The following PDE7A variants were observed in gnomAD, a reference collection of about 807,000 sequenced individuals.
The protein encoded by PDE7A is phosphodiesterase 7A.
A neutral mutation model predicts 64.3 loss-of-function variants in PDE7A; 39 were observed. The ratio of observed to expected loss-of-function variants is 0.61; its 90% confidence interval spans 0.47 to 0.79. The LOEUF is 0.79. Ranked by LOEUF, PDE7A falls within the 30% of genes least tolerant of loss-of-function variation. PDE7A has a pLI of 0.00. For missense variants in PDE7A, 470 were observed against 582.8 expected, an observed-to-expected ratio of 0.81 and a Z score of 1.99; for synonymous variants, 203 against 206.8, an observed-to-expected ratio of 0.98 and a Z score of 0.16.
At chr8:65,789,122 C>A in intron 1 of PDE7A, 1 of 1,259,550 alleles carries the variant, frequency 7.9e-7, no homozygotes, top group Non-Finnish European at 1.0e-6. Flanking sequence ...ATGCACTACC[C>A]AGCCAGCCTT....
intron 1 of PDE7A, among the ~76,000 whole-genome samples, chr8:65,820,227 C>T (rs954033853): frequency 1.6e-4 from 25 of 152,184 alleles, no homozygotes; most frequent in African/African-American, 6.0e-4. Flanking sequence ...AAAATCCTGT[C>T]TCTACTAAAA....
chr8:65,810,988 AT>A (rs1434461560), intron 1 of PDE7A, among the ~76,000 whole-genome samples: 1 of 152,202 alleles, frequency 6.6e-6, no homozygotes, highest in Non-Finnish European at 1.5e-5. Context: ...GAAAAAATTT[AT>A]ATCTGCAACC....
chr8:65,820,352 T>G (rs977688650), intron 1 of PDE7A, among the ~76,000 whole-genome samples: 2 of 152,152 alleles, frequency 1.3e-5, no homozygotes, highest in Non-Finnish European at 2.9e-5. Flanking sequence ...GCTGAGATCA[T>G]GCCACTTCAT....
At position 65,746,106 on chromosome 8, in the gene PDE7A, T is replaced by TC. The variant is rs1255894417; in HGVS notation, c.436-637_436-636insG. ...TTACCATACCTGGCTAATTTTTTTTTTTTTTTTGTAGAGACAAGGTCTCAC... is the reference window on the plus strand; with the variant it reads ...TTACCATACCTGGCTAATTTTTTTTTCTTTTTTTGTAGAGACAAGGTCTCAC... On this transcript the variant is annotated intron_variant, in intron 4 of 12. Coordinates refer to ENST00000401827, the MANE Select transcript of PDE7A (RefSeq NM_001242318.3). Among the ~76,000 whole-genome samples the TC allele has an allele frequency of 2.0e-5, 3 of 151,706 alleles. No homozygotes were observed. The East Asian group carries it at 5.8e-4, about 29-fold the overall frequency.
rs1237163516 is a variant in PDE7A at position 65,715,911 on chromosome 8, G to A, written c.*3379C>T. On this transcript the variant is annotated 3_prime_UTR_variant, in exon 13 of 13. Transcript: ENST00000401827. ...ACTGAGGCAGGAGAATGAGGAGAAT[G>A]GCGTGAACCCGGGAGGCGGAACTTG... Among the ~76,000 whole-genome samples, 2 of 146,934 alleles carry A rather than the reference G, an allele frequency of 1.4e-5. No homozygotes were observed. The highest frequency in any genetic ancestry group is 3.0e-5 in the Non-Finnish European group (2 of 66,856).
At chr8:65,757,885 G>A (rs1808311606) in intron 3 of PDE7A, among the ~76,000 whole-genome samples, 1 of 152,172 alleles carries the variant, frequency 6.6e-6, no homozygotes, top group African/African-American at 2.4e-5. Context: ...CCAAAGTGCT[G>A]GGATTACAGG....
chr8:65,805,293 A>C (rs575529371), intron 1 of PDE7A, among the ~76,000 whole-genome samples: 26 of 152,332 alleles, frequency 1.7e-4, no homozygotes, highest in Admixed American at 5.9e-4. Flanking sequence ...TGCTTATTTG[A>C]GGTAATGCTT....
At chr8:65,810,922 C>A (rs964781028) in intron 1 of PDE7A, among the ~76,000 whole-genome samples, 7 of 151,908 alleles carry the variant, frequency 4.6e-5, no homozygotes, top group South Asian at 4.2e-4. Flanking sequence ...AAAATTAATT[C>A]AAAAATTATT....
chr8:65,776,218 T>C lies in PDE7A; in HGVS notation c.283+3502A>G, dbSNP rs538207877. ...ATTGCTATTTCTACCCATTGCATTA[T>C]TTATCTTCTACCTACTTCATTACCA... On this transcript the variant is annotated intron_variant, in intron 3 of 12. Coordinates refer to ENST00000401827, the MANE Select transcript of PDE7A (RefSeq NM_001242318.3). 2.0e-5 allele frequency among the ~76,000 whole-genome samples: 3 copies of C among 152,314 alleles called. No homozygotes were observed. In the East Asian group the frequency reaches 5.8e-4, roughly 29 times the overall value.
chr8:65,738,914 A>G (rs1280111629), intron 6 of PDE7A, among the ~76,000 whole-genome samples: 1 of 152,246 alleles, frequency 6.6e-6, no homozygotes, highest in Non-Finnish European at 1.5e-5. Context: ...AATGAAATCA[A>G]GTATCCACAA....
chr8:65,760,959 G>A (rs1808461796), intron 3 of PDE7A, among the ~76,000 whole-genome samples: 1 of 152,174 alleles, frequency 6.6e-6, no homozygotes, highest in Non-Finnish European at 1.5e-5. Flanking sequence ...GGGAACAAGA[G>A]TGACTATGAG....
At chr8:65,802,718 C>A (rs1264555557) in intron 1 of PDE7A, among the ~76,000 whole-genome samples, 2 of 152,178 alleles carry the variant, frequency 1.3e-5, no homozygotes, top group African/African-American at 4.8e-5. Flanking sequence ...TTAAAACTTG[C>A]AAACCTGAAA....
Position 65,807,282 on chromosome 8 carries a change from C to T in PDE7A, c.139-24439G>A, listed in dbSNP as rs145361012. Among the ~76,000 whole-genome samples the T allele has an allele frequency of 6.8e-3, 1,028 of 152,224 alleles. 50 individuals carry two copies. Among genetic ancestry groups the T allele is most frequent in the Admixed American group, 0.062 (946 of 15,294 alleles). On this transcript the variant is annotated intron_variant, in intron 1 of 12. Coordinates refer to ENST00000401827, the MANE Select transcript of PDE7A (RefSeq NM_001242318.3). ...TAAATTTATTCCTAAGTATTTTATG[C>T]TTTTTCATGCTATTAAAAATTGAGT...
At chr8:65,768,121 G>A (rs1034214596) in intron 3 of PDE7A, among the ~76,000 whole-genome samples, 14 of 152,244 alleles carry the variant, frequency 9.2e-5, no homozygotes, top group African/African-American at 3.1e-4. Context: ...TTTGGTCACA[G>A]AAGTCTTCTG....
intron 1 of PDE7A, among the ~76,000 whole-genome samples, chr8:65,813,980 T>C (rs1290171062): frequency 6.6e-6 from 1 of 152,228 alleles, no homozygotes; most frequent in Non-Finnish European, 1.5e-5. Context: ...ATGATTTTAT[T>C]CTCTTTTATT....
chr8:65,827,055 C>G (rs910369357), intron 1 of PDE7A, among the ~76,000 whole-genome samples: 2 of 152,140 alleles, frequency 1.3e-5, no homozygotes, highest in African/African-American at 4.8e-5. Flanking sequence ...ACTACATTTG[C>G]AAAGACCCTT....
chr8:65,738,596 A>AT (rs1807256775), intron 6 of PDE7A, among the ~76,000 whole-genome samples: 1 of 151,726 alleles, frequency 6.6e-6, no homozygotes, highest in South Asian at 2.1e-4. Context: ...TGCCTGGGTA[A>AT]TTTTTTTGTA....
chr8:65,744,207 T>C (rs896445959), intron 5 of PDE7A, among the ~76,000 whole-genome samples: 3 of 149,168 alleles, frequency 2.0e-5, no homozygotes, highest in South Asian at 2.1e-4. Flanking sequence ...CTTAGTTGTG[T>C]TACAAAACAA....
intron 1 of PDE7A, chr8:65,788,793 A>G (rs896982539): frequency 2.3e-6 from 2 of 858,470 alleles, no homozygotes; most frequent in Non-Finnish European, 3.8e-6. Context: ...AAACTGAGGC[A>G]AAAGGAGGAG....
Sources: allele counts gnomAD v4.1 joint callset (sites outside exome capture counted in the v4.1 genomes callset), GRCh38; gene constraint gnomAD v4.1.1; transcripts MANE v1.5; gene names NCBI Gene and HGNC (gene_info 2026-07-23, HGNC 2026-07-21).